The following SLC30A7 variants were observed in gnomAD, a reference collection of about 807,000 sequenced individuals.
SLC30A7 encodes solute carrier family 30 member 7.
Under a neutral mutation model 46.0 loss-of-function variants are expected in SLC30A7, and 35 were observed. That is an observed-to-expected ratio of 0.76 (90% CI 0.58 to 1.01). SLC30A7 has a LOEUF of 1.01. Ranked by LOEUF, SLC30A7 falls within the 50% of genes least tolerant of loss-of-function variation. The pLI, the probability that SLC30A7 is intolerant of heterozygous loss-of-function variation, is 0.00. For missense variants in SLC30A7, 464 were observed against 451.1 expected (o/e 1.03, Z -0.26); for synonymous variants, 147 against 157.8 (o/e 0.93, Z 0.51).
chr1:100,964,169 A>G (rs1655702912), intron 9 of SLC30A7, among the ~76,000 whole-genome samples: 2 of 139,394 alleles, frequency 1.4e-5, no homozygotes, highest in Non-Finnish European at 3.2e-5. Flanking sequence ...TTGCCCATTC[A>G]AGATTTGTGG....
At position 100,921,811 on chromosome 1, in the gene SLC30A7, C is replaced by A. The variant is rs1652949513; in HGVS notation, c.812C>A (p.Ser271Ter). The A allele has an allele frequency of 6.2e-6, 10 of 1,612,986 alleles. No homozygotes were observed. Among genetic ancestry groups the A allele is most frequent in the South Asian group, 2.2e-5 (2 of 91,030 alleles). Residue 271 changes from serine to a stop codon, truncating the protein, a stop_gained, in exon 8 of 11, where the codon TCA (serine) becomes TAA (stop). Transcript: ENST00000357650. LOFTEE classifies it high-confidence loss of function. The stretch of plus-strand genomic sequence containing the variant: ...CTGATGATAGCAGATCCTATCTGTT[C>A]AATTCTTATAGCCATTCTTATAGTT... ...FGLMIADPIC[S>*]ILIAILIVVS...
At chr1:100,897,666 C>A (rs767825362) in intron 2 of SLC30A7, among the ~76,000 whole-genome samples, 1 of 152,154 alleles carries the variant, frequency 6.6e-6, no homozygotes, top group Non-Finnish European at 1.5e-5. Flanking sequence ...GGTAATATCA[C>A]CAGGTTTTGT....
At chr1:100,955,646 C>A (rs1325743123) in intron 8 of SLC30A7, among the ~76,000 whole-genome samples, 4 of 152,070 alleles carry the variant, frequency 2.6e-5, no homozygotes, top group Non-Finnish European at 5.9e-5. Context: ...TCTACATTTC[C>A]TTTCATTATG....
Position 100,902,811 on chromosome 1 carries a change from C to G in SLC30A7, c.183-4041C>G, listed in dbSNP as rs116675291. On this transcript the variant is annotated intron_variant, in intron 2 of 10. Transcript: ENST00000357650. Reference sequence around the variant, plus strand: ...GCTCACCTTAATGACCTAATATTAACTAATTATATCTGCAATGAGTCCATT... The same window carrying G: ...GCTCACCTTAATGACCTAATATTAAGTAATTATATCTGCAATGAGTCCATT... 3.3e-3 allele frequency among the ~76,000 whole-genome samples: 508 copies of G among 152,252 alleles called. 7 individuals carry two copies. The highest frequency in any genetic ancestry group is 0.012 in the African/African-American group (490 of 41,536).
chr1:100,960,243 G>C (rs745400840), intron 8 of SLC30A7, among the ~76,000 whole-genome samples: 30 of 151,988 alleles, frequency 2.0e-4, no homozygotes, highest in Admixed American at 3.9e-4. Flanking sequence ...ATTTCTATTT[G>C]CTTAATTTTC....
intron 8 of SLC30A7, among the ~76,000 whole-genome samples, chr1:100,934,294 A>G (rs970613727): frequency 6.6e-6 from 1 of 152,224 alleles, no homozygotes; most frequent in Non-Finnish European, 1.5e-5. Context: ...CTAATAATGG[A>G]AAATAAGAAT....
chr1:100,940,063 T>A (rs1654251191), intron 8 of SLC30A7, among the ~76,000 whole-genome samples: 1 of 152,014 alleles, frequency 6.6e-6, no homozygotes, highest in Non-Finnish European at 1.5e-5. Context: ...ATGAACATAA[T>A]GAGATACCTG....
intron 9 of SLC30A7, among the ~76,000 whole-genome samples, chr1:100,964,340 T>TTATATACA (rs1553242381): frequency 7.4e-6 from 1 of 135,480 alleles, no homozygotes; most frequent in Non-Finnish European, 1.5e-5. Flanking sequence ...TGTATATATG[T>TTATATACA]TATATATACA....
chr1:100,921,923 A>G, intron 8 of SLC30A7, 82 bp downstream of exon 8: 2 of 1,222,472 alleles, frequency 1.6e-6, no homozygotes, highest in Non-Finnish European at 2.3e-6. Flanking sequence ...TAAAATACAA[A>G]TAATTATGTT....
intron 7 of SLC30A7, among the ~76,000 whole-genome samples, chr1:100,919,297 T>C (rs910588704): frequency 6.6e-6 from 1 of 152,170 alleles, no homozygotes; most frequent in Non-Finnish European, 1.5e-5. Flanking sequence ...ATTTAGACTT[T>C]ATTGTCAGGG....
At chr1:100,949,987 A>C (rs569543862) in intron 8 of SLC30A7, among the ~76,000 whole-genome samples, 9 of 152,210 alleles carry the variant, frequency 5.9e-5, no homozygotes, top group African/African-American at 2.2e-4. Context: ...GTGATGCCCC[A>C]CCCTGCTTCA....
chr1:100,938,488 G>C (rs1654121696), intron 8 of SLC30A7, among the ~76,000 whole-genome samples: 1 of 152,178 alleles, frequency 6.6e-6, no homozygotes, highest in Non-Finnish European at 1.5e-5. Flanking sequence ...TTAGTTTTCT[G>C]TTGCTGCATA....
intron 8 of SLC30A7, among the ~76,000 whole-genome samples, chr1:100,953,714 G>C (rs577348285): frequency 1.3e-5 from 2 of 152,176 alleles, no homozygotes; most frequent in East Asian, 3.9e-4. Context: ...TCAAAGCCGT[G>C]TATATTTTCT....
intron 6 of SLC30A7, among the ~76,000 whole-genome samples, chr1:100,917,853 A>G (rs182403301): frequency 5.9e-5 from 9 of 152,332 alleles, no homozygotes; most frequent in African/African-American, 1.7e-4. Context: ...TTTTAATACA[A>G]TAATTTCTGA....
chr1:100,896,307 G>T lies in SLC30A7; in HGVS notation c.45G>T (p.Lys15Asn). 6.2e-7 allele frequency: 1 copy of T among 1,614,204 alleles called. No individual in the cohort carries two copies. The part of the protein sequence containing the change: ...SIKDDEYKPP[K>N]FNLFGKISGW... ...AAGACGATGAATACAAACCACCCAA[G>T]TTCAATTTGTTCGGCAAGATCTCGG... The change falls in exon 1 of 11, where the codon AAG becomes AAT. Residue 15 changes from lysine to asparagine, a missense_variant. Coordinates refer to ENST00000357650, the MANE Select transcript of SLC30A7 (RefSeq NM_133496.5).
At chr1:100,904,638 A>G (rs1315373217) in intron 2 of SLC30A7, among the ~76,000 whole-genome samples, 1 of 152,152 alleles carries the variant, frequency 6.6e-6, no homozygotes, top group Admixed American at 6.6e-5. Context: ...TATGATCGGA[A>G]ATAGGTATGC....
chr1:100,896,513 C>G, intron 1 of SLC30A7, 57 bp from the exon 2 acceptor site: 3 of 1,525,386 alleles, frequency 2.0e-6, no homozygotes. Flanking sequence ...TACCCAGCCT[C>G]GGGGTCCCGG....
At chr1:100,904,180 C>T (rs1329599123) in intron 2 of SLC30A7, among the ~76,000 whole-genome samples, 2 of 152,112 alleles carry the variant, frequency 1.3e-5, no homozygotes, top group Non-Finnish European at 2.9e-5. Flanking sequence ...GATTTGAACC[C>T]AGGTACTCTG....
intron 8 of SLC30A7, 55 bp downstream of exon 8, chr1:100,921,896 T>TA: frequency 6.9e-7 from 1 of 1,449,754 alleles, no homozygotes; most frequent in Non-Finnish European, 9.5e-7. Context: ...AGAAATATGT[T>TA]ACTTAAATTA....
Sources: allele counts gnomAD v4.1 joint callset (sites outside exome capture counted in the v4.1 genomes callset), GRCh38; gene constraint gnomAD v4.1.1; transcripts MANE v1.5; gene names NCBI Gene and HGNC (gene_info 2026-07-23, HGNC 2026-07-21).